Variants in DTNBP1 observed in about 807,000 individuals in gnomAD.
The protein encoded by DTNBP1 is dysbindin.
DTNBP1 carries 35 observed loss-of-function variants against 42.8 expected under a neutral mutation model. The ratio of observed to expected loss-of-function variants is 0.82; its 90% CI spans 0.63 to 1.09. DTNBP1 has a LOEUF of 1.09. DTNBP1 is among the 50% of genes least tolerant of loss of function. The pLI, the probability that DTNBP1 is intolerant of heterozygous loss-of-function variation, is 0.00. For synonymous variants in DTNBP1, 171 were observed against 162.2 expected, an observed-to-expected ratio of 1.05 and a Z score of -0.41; for missense variants, 457 against 424.2, an observed-to-expected ratio of 1.08 and a Z score of -0.68.
intron 4 of DTNBP1, among the ~76,000 whole-genome samples, chr6:15,631,151 C>A (rs1759674133): frequency 6.6e-6 from 1 of 152,092 alleles, no homozygotes; most frequent in Non-Finnish European, 1.5e-5. Flanking sequence ...AATAAATTTA[C>A]AAAATGACAA....
At position 15,618,178 on chromosome 6, in the gene DTNBP1, C is replaced by A. The variant is rs559042219; in HGVS notation, c.356-2779G>T. Among the ~76,000 whole-genome samples, 15 of 151,952 alleles carry A rather than the reference C, an allele frequency of 9.9e-5. No individual in the cohort carries two copies. In the East Asian group the frequency reaches 1.5e-3, roughly 16 times the overall value. On this transcript the variant is annotated intron_variant, in intron 5 of 9. Coordinates refer to ENST00000344537, the MANE Select transcript of DTNBP1 (RefSeq NM_032122.5). ...AGCAAAAAATAAAAATTAAAAAAAA[C>A]CTATTAAAAATGGGCAAATGAACTG... is the stretch of plus-strand genomic sequence containing the variant.
chr6:15,630,630 T>C (rs547126945), intron 4 of DTNBP1, among the ~76,000 whole-genome samples: 1 of 152,196 alleles, frequency 6.6e-6, no homozygotes, highest in Admixed American at 6.5e-5. Context: ...AGAAAAAGCC[T>C]AGACAGGCTG....
chr6:15,651,433 C>T (rs1340664067), intron 2 of DTNBP1, 70 bp from the exon 3 acceptor site: 5 of 1,551,300 alleles, frequency 3.2e-6, no homozygotes, highest in South Asian at 1.2e-5. Flanking sequence ...AAGGTACATA[C>T]AAGAATTTTG....
At chr6:15,540,647 T>C (rs1005162511) in intron 7 of DTNBP1, among the ~76,000 whole-genome samples, 2 of 152,164 alleles carry the variant, frequency 1.3e-5, no homozygotes, top group Non-Finnish European at 2.9e-5. Context: ...TTAAAATGAC[T>C]TTTTTCTTTT....
intron 7 of DTNBP1, among the ~76,000 whole-genome samples, chr6:15,592,481 A>G (rs1265981431): frequency 1.3e-5 from 2 of 152,240 alleles, no homozygotes; most frequent in East Asian, 3.8e-4. Context: ...AACATAACCA[A>G]GAATTATTCT....
intron 7 of DTNBP1, among the ~76,000 whole-genome samples, chr6:15,565,480 G>A (rs1775030967): frequency 6.6e-6 from 1 of 152,094 alleles, no homozygotes; most frequent in East Asian, 1.9e-4. Context: ...ATATCCATAC[G>A]ATGGGTACCA....
At chr6:15,593,874 T>G (rs1179050317) in intron 6 of DTNBP1, among the ~76,000 whole-genome samples, 1 of 152,190 alleles carries the variant, frequency 6.6e-6, no homozygotes, top group Non-Finnish European at 1.5e-5. Flanking sequence ...GTACTTGCAG[T>G]CCAGGTTTTA....
At position 15,627,240 on chromosome 6, in the gene DTNBP1, C is replaced by T. The variant is rs540190596; in HGVS notation, c.355+103G>A. 6.0e-5 allele frequency: 88 copies of T among 1,463,458 alleles called. 2 individuals are homozygous for T. The South Asian group carries it at 9.1e-4, about 15-fold the overall frequency. 90.7% of individuals were successfully genotyped at this position (1,463,458 alleles called of 1,614,324 possible). A position where few individuals can be genotyped will look rare whatever the true frequency, so the allele number is the denominator to read the frequency against. On this transcript the variant is annotated intron_variant, in intron 5 of 9. Coordinates refer to ENST00000344537, the MANE Select transcript of DTNBP1 (RefSeq NM_032122.5). ...ATGATTTTCCAAAAAATCCTGTTAA[C>T]CCAGAATTTCATGTGTTCCTGAAAA...
chr6:15,610,543 T>C (rs902332572), intron 6 of DTNBP1, among the ~76,000 whole-genome samples: 1 of 152,206 alleles, frequency 6.6e-6, no homozygotes, highest in Non-Finnish European at 1.5e-5. Context: ...GAGGAAGGCA[T>C]GTCGAAAGCC....
At chr6:15,578,659 T>C (rs1775686736) in intron 7 of DTNBP1, among the ~76,000 whole-genome samples, 1 of 152,214 alleles carries the variant, frequency 6.6e-6, no homozygotes, top group Admixed American at 6.5e-5. Flanking sequence ...GTTAAAGTAA[T>C]AAGTAAACTA....
At chr6:15,612,326 T>C (rs1052207461) in intron 6 of DTNBP1, among the ~76,000 whole-genome samples, 4 of 152,164 alleles carry the variant, frequency 2.6e-5, no homozygotes, top group African/African-American at 9.7e-5. Flanking sequence ...ACATACTGTA[T>C]AAACATAATT....
rs16876571 is a variant in DTNBP1, at chr6:15,524,448, G to A, written c.811+78C>T. ...GTTTATGCGTAAGTGACTGGCAGAT[G>A]GTTCTCACGTCTCACCTTTGGAGGG... On this transcript the variant is annotated intron_variant, in intron 9 of 9. Coordinates refer to ENST00000344537, the MANE Select transcript of DTNBP1 (RefSeq NM_032122.5). 0.017 allele frequency: 26,908 copies of A among 1,614,060 alleles called. 251 individuals are homozygous for A. Among genetic ancestry groups the A allele is most frequent in the Non-Finnish European group, 0.02 (23,873 of 1,179,920 alleles).
At chr6:15,606,204 C>A (rs536323771) in intron 6 of DTNBP1, among the ~76,000 whole-genome samples, 1 of 152,172 alleles carries the variant, frequency 6.6e-6, no homozygotes, top group Non-Finnish European at 1.5e-5. Flanking sequence ...GCCACTGTCA[C>A]GTTTATTTTA....
intron 7 of DTNBP1, among the ~76,000 whole-genome samples, chr6:15,569,205 A>G (rs1278148046): frequency 2.6e-5 from 4 of 152,174 alleles, no homozygotes; most frequent in Non-Finnish European, 4.4e-5. Flanking sequence ...CCTTAGAATC[A>G]TAACGTTTTT....
chr6:15,659,726 T>C (rs1309439180), intron 1 of DTNBP1, among the ~76,000 whole-genome samples: 2 of 152,196 alleles, frequency 1.3e-5, no homozygotes, highest in East Asian at 3.9e-4. Context: ...CTAATTTTTG[T>C]ATTTTTTAGT....
intron 7 of DTNBP1, among the ~76,000 whole-genome samples, chr6:15,552,458 A>C (rs1459505582): frequency 6.6e-6 from 1 of 152,208 alleles, no homozygotes; most frequent in Non-Finnish European, 1.5e-5. Context: ...TAACACATCC[A>C]AGATATTACA....
chr6:15,591,405 C>T (rs559956492), intron 7 of DTNBP1, among the ~76,000 whole-genome samples: 24 of 152,132 alleles, frequency 1.6e-4, no homozygotes, highest in African/African-American at 5.5e-4. Flanking sequence ...GCTACCATGC[C>T]CAGGCCACGT....
intron 6 of DTNBP1, chr6:15,614,993 G>T: frequency 5.7e-6 from 3 of 522,372 alleles, no homozygotes; most frequent in Non-Finnish European, 1.1e-5. Flanking sequence ...CTAGCTCAGG[G>T]CTCCTATTTT....
intron 7 of DTNBP1, among the ~76,000 whole-genome samples, chr6:15,562,121 A>G (rs1165531406): frequency 6.6e-6 from 1 of 152,164 alleles, no homozygotes; most frequent in Non-Finnish European, 1.5e-5. Flanking sequence ...AAAACAGCCA[A>G]CCAGCAGTCC....
Sources: allele counts gnomAD v4.1 joint callset (sites outside exome capture counted in the v4.1 genomes callset), GRCh38; gene constraint gnomAD v4.1.1; transcripts MANE v1.5; gene names NCBI Gene and HGNC (gene_info 2026-07-23, HGNC 2026-07-21).